Variants in ADCY9 observed in about 807,000 individuals in gnomAD.
The protein encoded by ADCY9 is adenylate cyclase 9.
In ADCY9, 50 loss-of-function variants were observed where a neutral mutation model predicts 101.5. The observed-to-expected ratio is 0.49, with a 90% CI of 0.39 to 0.62. The LOEUF (loss-of-function observed/expected upper bound fraction) is 0.62. Among genes scored for constraint, ADCY9 ranks in the 20% least tolerant of loss-of-function variants. The probability of loss-of-function intolerance (pLI) is 0.00; values close to 1 mark genes in which losing one functional copy is unlikely to be tolerated. For synonymous variants in ADCY9, 905 were observed against 769.3 expected (o/e 1.18, Z -2.92); for missense variants, 1,662 against 1,800.4 (o/e 0.92, Z 1.39).
chr16:4,098,247 G>GT (rs567821186), intron 2 of ADCY9, among the ~76,000 whole-genome samples: 209 of 145,602 alleles, frequency 1.4e-3, no homozygotes, highest in Non-Finnish European at 1.6e-3. Flanking sequence ...TTTGTTTTTG[G>GT]TTTTTTTTTT....
At position 4,009,277 on chromosome 16, in the gene ADCY9, T is replaced by C. The variant is rs563210014; in HGVS notation, c.1694-1719A>G. 2.6e-3 allele frequency among the ~76,000 whole-genome samples: 395 copies of C among 152,238 alleles called. 1 individual carries two copies. The highest frequency in any genetic ancestry group is 5.4e-3 in the South Asian group (26 of 4,824). ...TGTTTTGTTTTGTTTTGTTTTGTTT[T>C]GTTTTTCCTTTAGAGATAGGGTCTT... is the stretch of plus-strand genomic sequence containing the variant. On this transcript the variant is annotated intron_variant, in intron 2 of 10. Transcript: ENST00000294016.
At chr16:3,979,399 C>A (rs1195415696) in intron 7 of ADCY9, 124 bp from the exon 8 acceptor site, 2 of 1,184,824 alleles carry the variant, frequency 1.7e-6, no homozygotes, top group African/African-American at 3.0e-5. Flanking sequence ...CTGGGATGGG[C>A]GTGAGAGCAG....
chr16:4,046,229 A>C (rs1477289686), intron 2 of ADCY9, among the ~76,000 whole-genome samples: 5 of 152,156 alleles, frequency 3.3e-5, no homozygotes, highest in Admixed American at 6.6e-5. Flanking sequence ...CAATCAGCAC[A>C]GTGCCCAGCA....
chr16:4,077,278 G>A (rs1038534605), intron 2 of ADCY9, among the ~76,000 whole-genome samples: 2 of 151,968 alleles, frequency 1.3e-5, no homozygotes, highest in African/African-American at 2.4e-5. Context: ...GTCCCCCCCC[G>A]AGGACACTTC....
chr16:4,092,272 AAAAC>A (rs1417708924), intron 2 of ADCY9, among the ~76,000 whole-genome samples: 4 of 152,206 alleles, frequency 2.6e-5, no homozygotes, highest in African/African-American at 7.2e-5. Flanking sequence ...CCTGTCTCAA[AAAAC>A]AAACAAACAA....
At chr16:4,024,680 T>C (rs2056502127) in intron 2 of ADCY9, among the ~76,000 whole-genome samples, 1 of 151,686 alleles carries the variant, frequency 6.6e-6, no homozygotes, top group Non-Finnish European at 1.5e-5. Flanking sequence ...AAAGCTGGAG[T>C]GGCCTTAGGT....
At chr16:4,067,666 A>G (rs2056808650) in intron 2 of ADCY9, among the ~76,000 whole-genome samples, 1 of 152,122 alleles carries the variant, frequency 6.6e-6, no homozygotes, top group Admixed American at 6.5e-5. Flanking sequence ...CCCCCAGAGA[A>G]GTTCCGAGAT....
chr16:3,965,889 G>C lies in ADCY9; in HGVS notation c.3948C>G (p.Val1316=). 1.9e-6 allele frequency: 3 copies of C among 1,614,162 alleles called. No homozygotes were observed. Among genetic ancestry groups the C allele is most frequent in the African/African-American group, 1.3e-5 (1 of 75,034 alleles). Residue 1316 remains valine, a synonymous_variant, in exon 11 of 11, where the codon GTC becomes GTG. Transcript: ENST00000294016. ...CAAATCGACCCCTTTCTTCGGCTTT[G>C]ACGGGCTCCTTCCACGGTCTCTTGG... is the stretch of plus-strand genomic sequence containing the variant. The part of the protein sequence containing the change: ...LSPKRPWKEP[V]KAEERGRFGK...
intron 2 of ADCY9, among the ~76,000 whole-genome samples, chr16:4,013,909 A>G (rs955899885): frequency 1.3e-5 from 2 of 152,204 alleles, no homozygotes; most frequent in African/African-American, 4.8e-5. Context: ...CTTCCTACTC[A>G]TATGCACCAT....
intron 2 of ADCY9, among the ~76,000 whole-genome samples, chr16:4,068,564 C>T (rs773431713): frequency 1.1e-4 from 17 of 151,990 alleles, no homozygotes; most frequent in Non-Finnish European, 1.6e-4. Context: ...CCTGTAATCC[C>T]GGCACTTTGG....
At chr16:4,002,309 A>C (rs572851994) in intron 3 of ADCY9, among the ~76,000 whole-genome samples, 9 of 152,196 alleles carry the variant, frequency 5.9e-5, no homozygotes, top group Non-Finnish European at 1.2e-4. Flanking sequence ...TTACTTCCTC[A>C]AATTGGGCCA....
At chr16:4,112,261 G>C (rs1207073910) in intron 2 of ADCY9, among the ~76,000 whole-genome samples, 2 of 152,228 alleles carry the variant, frequency 1.3e-5, no homozygotes, top group Non-Finnish European at 2.9e-5. Flanking sequence ...CAAGTGAACA[G>C]AAAGTGTAGT....
intron 2 of ADCY9, among the ~76,000 whole-genome samples, chr16:4,075,258 C>G (rs1186733828): frequency 6.6e-6 from 1 of 152,198 alleles, no homozygotes; most frequent in East Asian, 1.9e-4. Flanking sequence ...CCTGTCCCAG[C>G]CTCCCAAGTA....
intron 6 of ADCY9, among the ~76,000 whole-genome samples, 178 bp downstream of exon 6, chr16:3,988,816 T>C (rs1347509952): frequency 2.6e-5 from 4 of 152,186 alleles, no homozygotes; most frequent in South Asian, 2.1e-4. Context: ...AGGGTTTTTT[T>C]CCTCCTTTGC....
intron 2 of ADCY9, among the ~76,000 whole-genome samples, chr16:4,050,331 A>G (rs1334796502): frequency 6.6e-6 from 1 of 152,210 alleles, no homozygotes; most frequent in Admixed American, 6.5e-5. Context: ...AGCGGGACAG[A>G]TGGATACAAA....
At chr16:4,105,906 A>G (rs926301642) in intron 2 of ADCY9, among the ~76,000 whole-genome samples, 1 of 151,096 alleles carries the variant, frequency 6.6e-6, no homozygotes, top group African/African-American at 2.4e-5. Flanking sequence ...AGGAAGGCAT[A>G]TAAGCTAGGT....
intron 2 of ADCY9, among the ~76,000 whole-genome samples, chr16:4,053,280 G>A (rs2056713500): frequency 6.6e-6 from 1 of 152,226 alleles, no homozygotes. Flanking sequence ...TACTAAATAA[G>A]CATGGGAAAC....
At chr16:3,960,102 A>G (rs1208213828), downstream of ADCY9, among the ~76,000 whole-genome samples, 1 of 152,212 alleles carries the variant, frequency 6.6e-6, no homozygotes, top group Non-Finnish European at 1.5e-5. Flanking sequence ...TTTCCAGCGG[A>G]GAGTCCAGAA....
At position 3,965,951 on chromosome 16, in the gene ADCY9, C is replaced by T; in HGVS notation, c.3886G>A (p.Asp1296Asn). 2 of 1,614,190 alleles carry T rather than the reference C, an allele frequency of 1.2e-6. No individual in the cohort carries two copies. Residue 1296 changes from aspartate to asparagine, a missense_variant, in exon 11 of 11, where the codon GAC becomes AAC. Asp to Asn is a conservative substitution (Grantham distance 23, BLOSUM62 1). Coordinates refer to ENST00000294016, the MANE Select transcript of ADCY9 (RefSeq NM_001116.4). The part of the protein sequence containing the change: ...QYVDKTSLGS[D>N]SSTQAKDAHL... The stretch of plus-strand genomic sequence containing the variant: ...GCATCCTTGGCCTGCGTGCTGCTGT[C>T]AGAACCCAGAGATGTCTTGTCCACA...
Sources: gnomAD v4.1 joint callset for allele counts (sites outside exome capture counted in the v4.1 genomes callset) on GRCh38, gnomAD v4.1.1 for gene constraint, MANE v1.5 for transcripts, NCBI Gene and HGNC (gene_info 2026-07-23, HGNC 2026-07-21) for gene names.